The following PCDH9 variants were observed in gnomAD, a reference collection of about 807,000 sequenced individuals.
PCDH9 encodes protocadherin 9, also known as protocadherin-9.
In PCDH9, 24 loss-of-function variants were observed where a neutral mutation model predicts 70.6. That is an observed-to-expected ratio of 0.34 (90% CI 0.25 to 0.48). PCDH9 has a LOEUF of 0.48. Ranked by LOEUF, PCDH9 falls within the 20% of genes least tolerant of loss-of-function variation. The pLI, the probability that PCDH9 is intolerant of heterozygous loss-of-function variation, is 0.99. For synonymous variants in PCDH9, 562 were observed against 558.5 expected (o/e 1.01, Z -0.09); for missense variants, 1,281 against 1,503.6 (o/e 0.85, Z 2.45).
chr13:67,043,286 A>T (rs1177080554), intron 2 of PCDH9, among the ~76,000 whole-genome samples: 1 of 152,212 alleles, frequency 6.6e-6, no homozygotes, highest in East Asian at 1.9e-4. Context: ...AGTGATTGGC[A>T]TCTATTGTAA....
chr13:67,024,466 A>G (rs1389658718), intron 2 of PCDH9, among the ~76,000 whole-genome samples: 1 of 152,152 alleles, frequency 6.6e-6, no homozygotes, highest in Non-Finnish European at 1.5e-5. Flanking sequence ...TATTAAAAAT[A>G]ATGTATATAA....
intron 2 of PCDH9, among the ~76,000 whole-genome samples, chr13:67,154,064 A>C (rs1321767953): frequency 6.6e-6 from 1 of 152,210 alleles, no homozygotes; most frequent in Non-Finnish European, 1.5e-5. Context: ...AATAAAAATA[A>C]ACAGAAATTT....
At chr13:67,062,606 T>G (rs1477610246) in intron 2 of PCDH9, among the ~76,000 whole-genome samples, 1 of 152,194 alleles carries the variant, frequency 6.6e-6, no homozygotes, top group South Asian at 2.1e-4. Context: ...AATTGTGTGT[T>G]CTGTACAACA....
intron 4 of PCDH9, among the ~76,000 whole-genome samples, chr13:66,541,790 C>A (rs1960968214): frequency 1.3e-5 from 2 of 152,150 alleles, no homozygotes; most frequent in Admixed American, 1.3e-4. Context: ...AACTGTCTGA[C>A]CCACTACAGA....
chr13:66,431,680 G>A (rs9540756), intron 4 of PCDH9, among the ~76,000 whole-genome samples: 141,915 of 152,004 alleles, frequency 0.93, 66,686 homozygotes, highest in Non-Finnish European at 0.98. Context: ...TAGGCATAAA[G>A]ATCTTTCACT....
rs1291313713 is a variant in PCDH9 at position 66,565,043 on chromosome 13, C to CT, written c.3340+66166dup. Among the ~76,000 whole-genome samples, 7 of 152,080 alleles carry CT rather than the reference C, an allele frequency of 4.6e-5. No homozygotes were observed. The South Asian group carries it at 1.5e-3, about 32-fold the overall frequency. On this transcript the variant is annotated intron_variant, in intron 4 of 4. Coordinates refer to ENST00000377865, the MANE Select transcript of PCDH9 (RefSeq NM_203487.3). ...CAATATCATAAAATGTGTACATATT[C>CT]TTTTAACTGTTTCAGGACAATAATT... is the stretch of plus-strand genomic sequence containing the variant.
At chr13:66,454,543 G>C (rs372316614) in intron 4 of PCDH9, among the ~76,000 whole-genome samples, 1 of 152,102 alleles carries the variant, frequency 6.6e-6, no homozygotes, top group Non-Finnish European at 1.5e-5. Context: ...ATGTATAAAA[G>C]ATATATATGA....
At chr13:66,775,474 C>T (rs2079875940) in intron 3 of PCDH9, among the ~76,000 whole-genome samples, 1 of 152,074 alleles carries the variant, frequency 6.6e-6, no homozygotes, top group Non-Finnish European at 1.5e-5. Context: ...TGCGTGGATC[C>T]ACTTGTACAT....
intron 2 of PCDH9, among the ~76,000 whole-genome samples, chr13:66,986,814 A>T (rs929414774): frequency 6.6e-6 from 1 of 152,020 alleles, no homozygotes; most frequent in African/African-American, 2.4e-5. Flanking sequence ...AATAATTTTT[A>T]AAGTGTTTAA....
At chr13:66,723,857 C>A (rs555193734) in intron 3 of PCDH9, among the ~76,000 whole-genome samples, 1 of 152,338 alleles carries the variant, frequency 6.6e-6, no homozygotes, top group East Asian at 1.9e-4. Context: ...AAAGGCCACA[C>A]AACAGTTGGA....
At chr13:66,654,611 CAAAAATT>C (rs1437513164) in intron 3 of PCDH9, among the ~76,000 whole-genome samples, 1 of 151,880 alleles carries the variant, frequency 6.6e-6, no homozygotes. Context: ...TGTGTACACA[CAAAAATT>C]AAAAATTAAA....
Position 67,227,426 on chromosome 13 carries a change from G to T in PCDH9, c.1015C>A (p.Pro339Thr), listed in dbSNP as rs750013135. The T allele has an allele frequency of 1.2e-6, 2 of 1,613,870 alleles. No homozygotes were observed. Among genetic ancestry groups the T allele is most frequent in the East Asian group, 4.5e-5 (2 of 44,882 alleles). The change falls in exon 2 of 5, where the codon CCT becomes ACT. Residue 339 changes from proline (P) to threonine (T), a missense_variant. Coordinates refer to ENST00000377865, the MANE Select transcript of PCDH9 (RefSeq NM_203487.3). The surrounding 1 kb of genome is among the most constrained non-coding windows in gnomAD (Gnocchi z 4.6). ...TVLASDGSST[P>T]ARATVTINVT... ...TTGATGGTAACCGTTGCTCGAGCAG[G>T]AGTGGAGCTGCCGTCACTAGCCAGC...
At chr13:66,385,335 G>A (rs1023307448) in intron 4 of PCDH9, among the ~76,000 whole-genome samples, 2 of 151,914 alleles carry the variant, frequency 1.3e-5, no homozygotes, top group Non-Finnish European at 2.9e-5. Context: ...ATATTTTGTG[G>A]GTCATGAAAA....
chr13:66,396,315 C>T (rs77709518), intron 4 of PCDH9, among the ~76,000 whole-genome samples: 213 of 152,236 alleles, frequency 1.4e-3, no homozygotes, highest in East Asian at 0.012. Flanking sequence ...GTTGCTAAAA[C>T]GTAAATTGCT....
chr13:67,224,637 T>C (rs918063682), intron 2 of PCDH9: 4 of 190,342 alleles, frequency 2.1e-5, no homozygotes, highest in Non-Finnish European at 2.9e-5. Flanking sequence ...AAATGAGTTA[T>C]GACAGATCAC....
intron 3 of PCDH9, among the ~76,000 whole-genome samples, chr13:66,814,622 A>T (rs1360660598): frequency 6.6e-6 from 1 of 152,098 alleles, no homozygotes; most frequent in Non-Finnish European, 1.5e-5. Context: ...AATGTCCATT[A>T]TTGGGCTCCT....
intron 2 of PCDH9, among the ~76,000 whole-genome samples, chr13:66,956,835 G>A (rs191035987): frequency 3.0e-3 from 452 of 152,082 alleles, no homozygotes; most frequent in African/African-American, 9.9e-3. Flanking sequence ...TTGCTGTTTC[G>A]CACTCCACCC....
intron 4 of PCDH9, among the ~76,000 whole-genome samples, chr13:66,540,899 C>A (rs1960925209): frequency 6.6e-6 from 1 of 152,136 alleles, no homozygotes; most frequent in Non-Finnish European, 1.5e-5. Context: ...TTGAGCAACA[C>A]ACCTTGAAGG....
chr13:67,179,325 T>C (rs995069373), intron 2 of PCDH9, among the ~76,000 whole-genome samples: 12 of 152,238 alleles, frequency 7.9e-5, no homozygotes, highest in Admixed American at 5.9e-4. Flanking sequence ...CTTTTTAATT[T>C]AAACATCTGC....
Sources: allele counts gnomAD v4.1 joint callset (sites outside exome capture counted in the v4.1 genomes callset), GRCh38; gene constraint gnomAD v4.1.1; non-coding constraint Gnocchi (gnomAD v3.1); transcripts MANE v1.5; gene names NCBI Gene and HGNC (gene_info 2026-07-23, HGNC 2026-07-21).